Variants in TTLL11 observed in about 807,000 individuals in gnomAD.
The protein encoded by TTLL11 is tubulin tyrosine ligase like 11.
Under a neutral mutation model 51.7 loss-of-function variants are expected in TTLL11, and 42 were observed. The ratio of observed to expected loss-of-function variants is 0.81; its 90% confidence interval spans 0.64 to 1.05. The LOEUF (loss-of-function observed/expected upper bound fraction) is 1.05. Ranked by LOEUF, TTLL11 falls within the 50% of genes least tolerant of loss-of-function variation. The probability of loss-of-function intolerance (pLI) is 0.00; values close to 1 mark genes in which losing one functional copy is unlikely to be tolerated. For missense variants in TTLL11, 799 were observed against 940.4 expected, an observed-to-expected ratio of 0.85 and a Z score of 1.97; for synonymous variants, 381 against 383.5, an observed-to-expected ratio of 0.99 and a Z score of 0.08.
chr9:121,837,239 T>G (rs1290790945), intron 8 of TTLL11, among the ~76,000 whole-genome samples: 22 of 152,168 alleles, frequency 1.4e-4, no homozygotes, highest in Admixed American at 1.4e-3. Context: ...AATGGTGCAA[T>G]GAACATCTTT....
intron 6 of TTLL11, among the ~76,000 whole-genome samples, chr9:121,928,806 A>C (rs1454908673): frequency 6.6e-6 from 1 of 152,010 alleles, no homozygotes; most frequent in Admixed American, 6.6e-5. Flanking sequence ...TCCTGGGCTC[A>C]AGTGATCCTC....
intron 6 of TTLL11, among the ~76,000 whole-genome samples, chr9:121,873,642 CTCTT>C (rs1838445825): frequency 7.5e-6 from 1 of 133,998 alleles, no homozygotes; most frequent in Non-Finnish European, 1.6e-5. Context: ...TCCTCCTCCT[CTCTT>C]CTTCTTCTTC....
At chr9:121,855,254 A>G (rs1051493576) in intron 8 of TTLL11, among the ~76,000 whole-genome samples, 1 of 152,262 alleles carries the variant, frequency 6.6e-6, no homozygotes, top group African/African-American at 2.4e-5. Flanking sequence ...TCATGAACCC[A>G]GGGTGATGGG....
Position 121,971,155 on chromosome 9 carries a change from G to A in TTLL11, c.1481+2854C>T, listed in dbSNP as rs1250500992. 4.0e-5 allele frequency among the ~76,000 whole-genome samples: 3 copies of A among 74,632 alleles called. 1 individual carries two copies. Among genetic ancestry groups the A allele is most frequent in the Non-Finnish European group, 6.5e-5 (2 of 30,894 alleles). The allele number at this position is 74,632 out of a possible 152,430, so 49.0% of individuals were successfully genotyped here. ...CCCCGCCCGGCCAGCCGCCCCGTCC[G>A]GGAGGGAGGTAGGGGGGTCAGCCCC... On this transcript the variant is annotated intron_variant, in intron 6 of 8. Coordinates refer to ENST00000321582, the MANE Select transcript of TTLL11 (RefSeq NM_001139442.2).
chr9:121,837,985 G>C (rs188066032), intron 8 of TTLL11, among the ~76,000 whole-genome samples: 223 of 152,214 alleles, frequency 1.5e-3, no homozygotes, highest in Admixed American at 3.9e-3. Context: ...TTTCCTTGCT[G>C]TGGGCCCCAC....
intron 1 of TTLL11, among the ~76,000 whole-genome samples, chr9:122,042,437 C>T (rs552672142): frequency 2.2e-4 from 34 of 152,318 alleles, no homozygotes; most frequent in African/African-American, 7.9e-4. Context: ...CTGGCAAGGA[C>T]GTCGAGCAAC....
intron 1 of TTLL11, among the ~76,000 whole-genome samples, chr9:122,083,371 T>C (rs1262077659): frequency 6.6e-6 from 1 of 152,132 alleles, no homozygotes; most frequent in Non-Finnish European, 1.5e-5. Flanking sequence ...ATAACCAAGA[T>C]GATGAGAGAC....
intron 1 of TTLL11, among the ~76,000 whole-genome samples, chr9:122,053,872 A>G (rs756186234): frequency 1.1e-4 from 17 of 152,186 alleles, no homozygotes; most frequent in Non-Finnish European, 2.4e-4. Context: ...GGAGATAACT[A>G]GCGCTCTGAA....
chr9:121,951,874 A>G (rs968451424), intron 6 of TTLL11, among the ~76,000 whole-genome samples: 1 of 152,204 alleles, frequency 6.6e-6, no homozygotes, highest in Non-Finnish European at 1.5e-5. Flanking sequence ...AGGGTAGATT[A>G]TTCATGTCTC....
At chr9:122,054,333 C>A (rs1845238529) in intron 1 of TTLL11, among the ~76,000 whole-genome samples, 1 of 152,080 alleles carries the variant, frequency 6.6e-6, no homozygotes. Flanking sequence ...TTGCCCCTTT[C>A]ATAATTTCAG....
chr9:122,044,867 T>C (rs957093542), intron 1 of TTLL11, among the ~76,000 whole-genome samples: 2 of 152,032 alleles, frequency 1.3e-5, no homozygotes, highest in Non-Finnish European at 2.9e-5. Flanking sequence ...CACAGCACTT[T>C]GGGAGGCTGA....
At chr9:121,899,355 A>ATGTGTG (rs141125928) in intron 6 of TTLL11, among the ~76,000 whole-genome samples, 1 of 138,902 alleles carries the variant, frequency 7.2e-6, no homozygotes, top group African/African-American at 2.8e-5. Context: ...GTGTGTGTGT[A>ATGTGTG]TGTGTGTGTG....
rs546769099 is a variant in TTLL11, at chr9:121,898,429, G to C, written c.1482-27681C>G. ...TGGGGTAACCCCACTGGCTGCAATAGGGATAGCAGAGGTGGCTGAAGTGGA... is the reference window on the plus strand; with the variant it reads ...TGGGGTAACCCCACTGGCTGCAATACGGATAGCAGAGGTGGCTGAAGTGGA... On this transcript the variant is annotated intron_variant, in intron 6 of 8. Transcript: ENST00000321582. 2.0e-5 allele frequency among the ~76,000 whole-genome samples: 3 copies of C among 152,386 alleles called. No individual in the cohort carries two copies. The South Asian group carries it at 6.2e-4, about 32-fold the overall frequency.
Position 121,995,282 on chromosome 9 carries a change from C to G in TTLL11, c.694-5512G>C, listed in dbSNP as rs1424939441. Among the ~76,000 whole-genome samples the G allele has an allele frequency of 1.3e-5, 2 of 152,198 alleles. No homozygotes were observed. Among genetic ancestry groups the G allele is most frequent in the African/African-American group, 4.8e-5 (2 of 41,524 alleles). On this transcript the variant is annotated intron_variant, in intron 3 of 8. Coordinates refer to ENST00000321582, the MANE Select transcript of TTLL11 (RefSeq NM_001139442.2). The surrounding 1 kb of genome is among the most constrained non-coding windows in gnomAD (Gnocchi z 4.4). ...CCTGTATTTATACTCGATCTGCAGG[C>G]GAAGGATGGAGTTTCAACTGGCGAG... is the stretch of plus-strand genomic sequence containing the variant.
intron 3 of TTLL11, among the ~76,000 whole-genome samples, chr9:122,008,132 T>A (rs60891540): frequency 6.6e-6 from 1 of 152,066 alleles, no homozygotes; most frequent in East Asian, 1.9e-4. Flanking sequence ...AATACCAATG[T>A]CATGAAACAC....
chr9:122,073,235 C>A (rs1462823243), intron 1 of TTLL11, among the ~76,000 whole-genome samples: 1 of 152,002 alleles, frequency 6.6e-6, no homozygotes, highest in Non-Finnish European at 1.5e-5. Flanking sequence ...CATAGTGAAA[C>A]CCCATCTCTA....
rs1190802921 is a variant in TTLL11 at position 122,031,572 on chromosome 9, G to A, written c.693+151C>T. The A allele has an allele frequency of 3.3e-5, 28 of 841,938 alleles. No homozygotes were observed. The East Asian group carries it at 7.6e-4, about 23-fold the overall frequency. 52.2% of individuals were successfully genotyped at this position (841,938 alleles called of 1,614,324 possible). On this transcript the variant is annotated intron_variant, in intron 3 of 8. Coordinates refer to ENST00000321582, the MANE Select transcript of TTLL11 (RefSeq NM_001139442.2). ...CTCGTTCAACTCTGCAAGCTGTTTT[G>A]ATAGCTGCCAACACCTACTGTGTAC...
chr9:121,905,935 A>G (rs1276551097), intron 6 of TTLL11, among the ~76,000 whole-genome samples: 1 of 152,200 alleles, frequency 6.6e-6, no homozygotes, highest in East Asian at 1.9e-4. Flanking sequence ...GTGAGTTGTT[A>G]AAGAATAAAT....
intron 1 of TTLL11, among the ~76,000 whole-genome samples, chr9:122,042,098 C>A (rs529960889): frequency 6.6e-6 from 1 of 151,488 alleles, no homozygotes; most frequent in Non-Finnish European, 1.5e-5. Flanking sequence ...CAACCTCTGC[C>A]TCCTGGATCA....
Sources: allele counts gnomAD v4.1 joint callset (sites outside exome capture counted in the v4.1 genomes callset), GRCh38; gene constraint gnomAD v4.1.1; non-coding constraint Gnocchi (gnomAD v3.1); transcripts MANE v1.5; gene names NCBI Gene and HGNC (gene_info 2026-07-23, HGNC 2026-07-21).